The following RGS6 variants were observed in gnomAD, a reference collection of about 807,000 sequenced individuals.
RGS6 encodes the protein regulator of G-protein signaling 6.
In RGS6, 30 loss-of-function variants were observed where a neutral mutation model predicts 78.5. That is an observed-to-expected ratio of 0.38 (90% CI 0.29 to 0.52). The LOEUF (loss-of-function observed/expected upper bound fraction) is 0.52, where lower values mean the gene tolerates loss of function less well. RGS6 is among the 20% of genes least tolerant of loss of function. The pLI is 0.85. For missense variants in RGS6, 495 were observed against 609.7 expected (o/e 0.81, Z 1.98); for synonymous variants, 206 against 206.0 (o/e 1.00, Z 0.00).
rs561511445 is a variant in RGS6, at chr14:72,408,078, T to C, written c.185-46450T>C. ...AAAAAGTTGTATTTAAATCAAGTTT[T>C]AACAAACCGACTCATGCTTGTTTAT... On this transcript the variant is annotated intron_variant, in intron 3 of 17. Transcript: ENST00000553525. Among the ~76,000 whole-genome samples the C allele has an allele frequency of 2.6e-5, 4 of 152,362 alleles. No individual in the cohort carries two copies. The South Asian group carries it at 6.2e-4, about 24-fold the overall frequency.
At chr14:72,151,532 A>T (rs975617684) in intron 2 of RGS6, among the ~76,000 whole-genome samples, 2 of 152,178 alleles carry the variant, frequency 1.3e-5, no homozygotes, top group Non-Finnish European at 2.9e-5. Flanking sequence ...GCATGGGGGA[A>T]AAAAGCTAGA....
At chr14:72,100,987 T>C (rs190521509) in intron 2 of RGS6, among the ~76,000 whole-genome samples, 42 of 152,228 alleles carry the variant, frequency 2.8e-4, no homozygotes, top group Non-Finnish European at 4.6e-4. Context: ...GACAAAACCC[T>C]GTCTCTACCA....
intron 2 of RGS6, among the ~76,000 whole-genome samples, chr14:72,277,516 G>T (rs536809351): frequency 6.6e-6 from 1 of 152,054 alleles, no homozygotes; most frequent in East Asian, 1.9e-4. Context: ...AGAATTGCTT[G>T]AACTAGGGCA....
At chr14:72,151,204 A>G (rs556520771) in intron 2 of RGS6, among the ~76,000 whole-genome samples, 1 of 152,272 alleles carries the variant, frequency 6.6e-6, no homozygotes, top group South Asian at 2.1e-4. Flanking sequence ...TGAAGGAGGA[A>G]ACCTGGGTCT....
At chr14:71,990,626 C>T (rs374785365) in intron 2 of RGS6, 29 of 456,038 alleles carry the variant, frequency 6.4e-5, no homozygotes, top group Middle Eastern at 3.3e-4. Flanking sequence ...ATTCCTTCTT[C>T]GTCTTCATTC....
chr14:72,107,622 CT>C (rs1424649858), intron 2 of RGS6, among the ~76,000 whole-genome samples: 1 of 152,096 alleles, frequency 6.6e-6, no homozygotes, highest in Non-Finnish European at 1.5e-5. Context: ...ATCTATATAG[CT>C]TTTTCTATAC....
At chr14:71,984,884 C>G (rs1320152600) in intron 2 of RGS6, among the ~76,000 whole-genome samples, 5 of 152,164 alleles carry the variant, frequency 3.3e-5, no homozygotes, top group Admixed American at 2.6e-4. Flanking sequence ...AGTAATAATT[C>G]AATTTAGAAA....
rs141368623 is a variant in RGS6, at chr14:71,941,799, C to A, written c.-21+8858C>A. ...CACATATTTAATCTCTTTTGGGCAA[C>A]ACCCACACAGACACACCCAGGATCA... On this transcript the variant is annotated intron_variant, in intron 1 of 17. Coordinates refer to ENST00000553525, the MANE Select transcript of RGS6 (RefSeq NM_001204424.2). Among the ~76,000 whole-genome samples, 518 of 152,336 alleles carry A rather than the reference C, an allele frequency of 3.4e-3. 4 individuals are homozygous for A. Among genetic ancestry groups the A allele is most frequent in the African/African-American group, 0.012 (501 of 41,570 alleles).
chr14:72,129,271 C>T (rs146036207), intron 2 of RGS6, among the ~76,000 whole-genome samples: 14 of 152,300 alleles, frequency 9.2e-5, no homozygotes, highest in Non-Finnish European at 2.1e-4. Flanking sequence ...TGAGATAATT[C>T]GGCTGAGAGC....
intron 3 of RGS6, among the ~76,000 whole-genome samples, chr14:72,415,950 C>T (rs1479366716): frequency 2.6e-5 from 4 of 152,074 alleles, no homozygotes; most frequent in Non-Finnish European, 5.9e-5. Context: ...GAGTTCAAGA[C>T]CAGCCTGACC....
At chr14:72,218,036 A>T (rs1323719718) in intron 2 of RGS6, among the ~76,000 whole-genome samples, 1 of 152,186 alleles carries the variant, frequency 6.6e-6, no homozygotes, top group Non-Finnish European at 1.5e-5. Flanking sequence ...AAAACTTTGA[A>T]GAATGACATT....
chr14:72,261,110 G>T (rs1184008932), intron 2 of RGS6, among the ~76,000 whole-genome samples: 4 of 152,186 alleles, frequency 2.6e-5, no homozygotes, highest in African/African-American at 9.7e-5. Context: ...AGGGAACTTG[G>T]AATAGAGGGT....
chr14:72,334,939 C>T (rs2075760813), intron 2 of RGS6, among the ~76,000 whole-genome samples: 1 of 152,148 alleles, frequency 6.6e-6, no homozygotes, highest in African/African-American at 2.4e-5. Context: ...TGTGTCCACA[C>T]CCAAATCTCA....
chr14:72,556,509 G>C (rs937045366), intron 17 of RGS6, among the ~76,000 whole-genome samples: 3 of 152,272 alleles, frequency 2.0e-5, no homozygotes, highest in Middle Eastern at 6.8e-3. Flanking sequence ...ATACAGGATA[G>C]AGTAAGGTGT....
intron 17 of RGS6, chr14:72,547,291 C>G: frequency 6.5e-7 from 1 of 1,535,666 alleles, no homozygotes; most frequent in Non-Finnish European, 8.7e-7. Flanking sequence ...GGAGACCCAA[C>G]TCTGCCTGTG....
At chr14:72,397,082 G>A (rs112624931) in intron 3 of RGS6, among the ~76,000 whole-genome samples, 27 of 152,192 alleles carry the variant, frequency 1.8e-4, no homozygotes, top group African/African-American at 6.3e-4. Flanking sequence ...ATTCTGTGAA[G>A]AAAGTCATTG....
chr14:72,562,995 T>G lies in RGS6; in HGVS notation c.*528T>G. 1.7e-6 allele frequency: 1 copy of G among 580,160 alleles called. No homozygotes were observed. The allele number at this position is 580,160 out of a possible 1,614,324, so 35.9% of individuals were successfully genotyped here. A position where few individuals can be genotyped will look rare whatever the true frequency, so the allele number is the denominator to read the frequency against. On this transcript the variant is annotated 3_prime_UTR_variant, in exon 18 of 18. Coordinates refer to ENST00000553525, the MANE Select transcript of RGS6 (RefSeq NM_001204424.2). ...TCACGTCTCTGTGGCCACCCGGGTGTCACTGCCAGCACCAGGCACTGCTTT... is the reference window on the plus strand; with the variant it reads ...TCACGTCTCTGTGGCCACCCGGGTGGCACTGCCAGCACCAGGCACTGCTTT...
At chr14:72,018,437 C>A (rs1345369124) in intron 2 of RGS6, among the ~76,000 whole-genome samples, 1 of 152,170 alleles carries the variant, frequency 6.6e-6, no homozygotes, top group Non-Finnish European at 1.5e-5. Flanking sequence ...GAATTTTGCT[C>A]TGGCATTTTC....
At chr14:72,462,168 G>A (rs1212018402) in intron 6 of RGS6, among the ~76,000 whole-genome samples, 1 of 152,198 alleles carries the variant, frequency 6.6e-6, no homozygotes, top group African/African-American at 2.4e-5. Flanking sequence ...CTATGTCAGA[G>A]ATTTGAATAA....
Sources: allele counts gnomAD v4.1 joint callset (sites outside exome capture counted in the v4.1 genomes callset), GRCh38; gene constraint gnomAD v4.1.1; transcripts MANE v1.5; gene names NCBI Gene and HGNC (gene_info 2026-07-23, HGNC 2026-07-21).